SORCS1: variants seen among roughly 807,000 people sequenced by gnomAD.
SORCS1 encodes VPS10 domain-containing receptor SorCS1.
SORCS1 carries 60 observed loss-of-function variants against 146.1 expected under a neutral mutation model. That is an observed-to-expected ratio of 0.41 (90% CI 0.33 to 0.51). The LOEUF is 0.51. SORCS1 is among the 20% of genes least tolerant of loss of function. The pLI is 0.21. For missense variants in SORCS1, 1,352 were observed against 1,487.6 expected (o/e 0.91, Z 1.50); for synonymous variants, 637 against 584.0 (o/e 1.09, Z -1.31).
chr10:106,580,880 G>C (rs1282873835), intron 24 of SORCS1, among the ~76,000 whole-genome samples: 1 of 152,122 alleles, frequency 6.6e-6, no homozygotes, highest in African/African-American at 2.4e-5. Flanking sequence ...CATTTCAGGA[G>C]AGTTGGCTTT....
chr10:106,765,597 C>T (rs973799413), intron 4 of SORCS1, among the ~76,000 whole-genome samples: 1 of 152,012 alleles, frequency 6.6e-6, no homozygotes, highest in Non-Finnish European at 1.5e-5. Flanking sequence ...AGAGGGATGC[C>T]ACAGCAGGGC....
upstream of SORCS1, among the ~76,000 whole-genome samples, chr10:107,165,847 A>G (rs894006323): frequency 3.3e-5 from 5 of 152,182 alleles, no homozygotes. This position sits in a 1 kb window ranked among gnomAD's most constrained non-coding sequence, Gnocchi z 4.0. Context: ...TTAAAATTAA[A>G]TGGTCACATT....
At chr10:106,791,472 C>T (rs569033159) in intron 3 of SORCS1, among the ~76,000 whole-genome samples, 91 of 152,228 alleles carry the variant, frequency 6.0e-4, no homozygotes, top group Middle Eastern at 3.4e-3. Flanking sequence ...CCGAGGCGGG[C>T]AGATGGATCA....
At chr10:106,859,484 C>A (rs2137405722) in intron 2 of SORCS1, among the ~76,000 whole-genome samples, 1 of 152,236 alleles carries the variant, frequency 6.6e-6, no homozygotes, top group East Asian at 1.9e-4. Flanking sequence ...AGCTCCGCCT[C>A]CCGGGCTCAA....
intron 1 of SORCS1, among the ~76,000 whole-genome samples, chr10:107,070,896 T>C: frequency 6.6e-6 from 1 of 152,074 alleles, no homozygotes; most frequent in East Asian, 1.9e-4. Context: ...TTTGTAATTA[T>C]TGTAATAGAA....
intron 2 of SORCS1, among the ~76,000 whole-genome samples, chr10:106,932,914 C>A (rs952701394): frequency 6.6e-6 from 1 of 152,170 alleles, no homozygotes; most frequent in African/African-American, 2.4e-5. Context: ...CAATCTGAGA[C>A]CCGGGCCTCT....
At chr10:106,602,627 G>A (rs748734817) in intron 23 of SORCS1, among the ~76,000 whole-genome samples, 3 of 151,206 alleles carry the variant, frequency 2.0e-5, no homozygotes, top group Non-Finnish European at 2.9e-5. Context: ...ACACAAATCC[G>A]TCATAAATAT....
intron 1 of SORCS1, among the ~76,000 whole-genome samples, chr10:107,110,804 AG>A (rs1371022272): frequency 2.0e-5 from 3 of 152,172 alleles, no homozygotes; most frequent in Non-Finnish European, 4.4e-5. Flanking sequence ...AGGGACCTGG[AG>A]GAAGTCACTC....
chr10:106,967,877 T>C (rs1161053605), intron 1 of SORCS1, among the ~76,000 whole-genome samples: 1 of 151,806 alleles, frequency 6.6e-6, no homozygotes, highest in African/African-American at 2.4e-5. Flanking sequence ...ATATTTATTG[T>C]ATTATCTTCT....
chr10:106,938,846 T>C (rs1252456567), intron 2 of SORCS1, among the ~76,000 whole-genome samples: 1 of 152,282 alleles, frequency 6.6e-6, no homozygotes, highest in East Asian at 1.9e-4. Flanking sequence ...AGTGCAGCAC[T>C]TGGTGTCAGC....
Position 107,070,372 on chromosome 10 carries a change from G to A in SORCS1, c.558+93597C>T, listed in dbSNP as rs145601280. On this transcript the variant is annotated intron_variant, in intron 1 of 25. Transcript: ENST00000263054. Reference sequence around the variant, plus strand: ...TAACTCCATGCTTAACTTTTTGAGTGACTATCAAAGTGGTTTTCACAGTAG... The same window carrying A: ...TAACTCCATGCTTAACTTTTTGAGTAACTATCAAAGTGGTTTTCACAGTAG... Among the ~76,000 whole-genome samples the A allele has an allele frequency of 6.6e-5, 10 of 152,228 alleles. 1 individual carries two copies. Among genetic ancestry groups the A allele is most frequent in the African/African-American group, 2.4e-4 (10 of 41,540 alleles).
intron 1 of SORCS1, among the ~76,000 whole-genome samples, chr10:107,128,932 A>G (rs946549021): frequency 6.6e-6 from 1 of 152,192 alleles, no homozygotes; most frequent in East Asian, 1.9e-4. Context: ...AAACTTCTTA[A>G]TAAGAGGTCT....
intron 1 of SORCS1, among the ~76,000 whole-genome samples, chr10:107,154,152 C>T (rs1204505497): frequency 6.6e-6 from 1 of 151,838 alleles, no homozygotes; most frequent in African/African-American, 2.4e-5. Flanking sequence ...GCTGGGACTA[C>T]AGACACCCAC....
intron 5 of SORCS1, among the ~76,000 whole-genome samples, chr10:106,748,849 C>A (rs960014170): frequency 2.6e-5 from 4 of 152,092 alleles, no homozygotes; most frequent in Non-Finnish European, 4.4e-5. Context: ...ATTGACTAAT[C>A]CTACATCTCA....
chr10:107,179,943 G>T, the SORCS1 span, among the ~76,000 whole-genome samples: 1 of 113,034 alleles, frequency 8.8e-6, no homozygotes, highest in Non-Finnish European at 1.6e-5. Context: ...TTGAGACGGG[G>T]TCTCTCTCTG....
intron 1 of SORCS1, among the ~76,000 whole-genome samples, chr10:107,047,335 G>T (rs1959602517): frequency 6.6e-6 from 1 of 152,222 alleles, no homozygotes; most frequent in African/African-American, 2.4e-5. Flanking sequence ...AGTAGAACAA[G>T]TCATTAAAAA....
chr10:106,928,621 G>A (rs1366091500), intron 2 of SORCS1, among the ~76,000 whole-genome samples: 3 of 152,188 alleles, frequency 2.0e-5, no homozygotes, highest in African/African-American at 7.2e-5. Flanking sequence ...GAGAGCGAGC[G>A]AGGGCTGTGA....
chr10:106,875,512 A>C (rs979705976), intron 2 of SORCS1, among the ~76,000 whole-genome samples: 2 of 151,718 alleles, frequency 1.3e-5, no homozygotes, highest in Non-Finnish European at 2.9e-5. Context: ...TGGTAGATTT[A>C]CTCTCAGTTC....
chr10:106,586,451 C>T (rs552472340), intron 24 of SORCS1, among the ~76,000 whole-genome samples: 2 of 151,764 alleles, frequency 1.3e-5, no homozygotes, highest in East Asian at 3.9e-4. Flanking sequence ...TGACTATCTG[C>T]CTTGCCTTCC....
Sources: gnomAD v4.1 joint callset for allele counts (sites outside exome capture counted in the v4.1 genomes callset) on GRCh38, gnomAD v4.1.1 for gene constraint, Gnocchi (gnomAD v3.1) non-coding constraint, MANE v1.5 for transcripts, NCBI Gene and HGNC (gene_info 2026-07-23, HGNC 2026-07-21) for gene names.